Variants in SGCB observed in about 807,000 individuals in gnomAD.
SGCB encodes the protein beta-sarcoglycan.
A neutral mutation model predicts 27.3 loss-of-function variants in SGCB; 25 were observed. The ratio of observed to expected loss-of-function variants is 0.92; its 90% CI spans 0.67 to 1.28. The LOEUF is 1.28. Ranked by LOEUF, SGCB falls within the 50% of genes most tolerant of loss-of-function variation. The pLI is 0.00. For synonymous variants in SGCB, 147 were observed against 133.5 expected, an observed-to-expected ratio of 1.10 and a Z score of -0.70; for missense variants, 436 against 402.1, an observed-to-expected ratio of 1.08 and a Z score of -0.72.
intron 5 of SGCB, 127 bp downstream of exon 5, chr4:52,027,841 T>C (rs1737140480): frequency 2.3e-6 from 2 of 888,076 alleles, no homozygotes; most frequent in Non-Finnish European, 3.6e-6. Flanking sequence ...CACAACCCAC[T>C]TTGAACATCT....
At chr4:52,024,970 C>G (rs192439221) in intron 5 of SGCB, among the ~76,000 whole-genome samples, 5 of 152,008 alleles carry the variant, frequency 3.3e-5, no homozygotes, top group African/African-American at 9.7e-5. Context: ...AGGTTCTTCA[C>G]GCCCACTGTT....
rs759376332 is a variant in SGCB, at chr4:52,023,934, T to C, written c.*23A>G. 6.3e-7 allele frequency: 1 copy of C among 1,597,084 alleles called. No homozygotes were observed. Among genetic ancestry groups the C allele is most frequent in the East Asian group, 2.2e-5 (1 of 44,796 alleles). ...AAAAAGTCAAGTCAAGATATAAACA[T>C]GTTGGTGACCTCTGGGGTTCTTTTA... On this transcript the variant is annotated 3_prime_UTR_variant, in exon 6 of 6. Coordinates refer to ENST00000381431, the MANE Select transcript of SGCB (RefSeq NM_000232.5).
At position 52,022,737 on chromosome 4, in the gene SGCB, T is replaced by C. The variant is rs1578122534; in HGVS notation, c.*1220A>G. 6.6e-6 allele frequency: 1 copy of C among 152,190 alleles called. No homozygotes were observed. Among genetic ancestry groups the C allele is most frequent in the Non-Finnish European group, 1.5e-5 (1 of 68,018 alleles). The allele number at this position is 152,190 out of a possible 1,614,324, so 9.4% of individuals were successfully genotyped here. On this transcript the variant is annotated 3_prime_UTR_variant, in exon 6 of 6. Transcript: ENST00000381431. ...CTTTCCACTGTGTTGCCCCGAGTGC[T>C]GAGGGTATAAATATCTTGGCAACTC... is the stretch of plus-strand genomic sequence containing the variant.
Position 52,022,637 on chromosome 4 carries a change from C to T in SGCB, c.*1320G>A, listed in dbSNP as rs985849766. 1 of 152,170 alleles carries T rather than the reference C, an allele frequency of 6.6e-6. No homozygotes were observed. The highest frequency in any genetic ancestry group is 1.5e-5 in the Non-Finnish European group (1 of 68,026). 9.4% of individuals were successfully genotyped at this position (152,170 alleles called of 1,614,324 possible). Reference sequence around the variant, plus strand: ...CACTCTTTAGTCCAGTGCTTCTGGACTTATTTTCGAGGCATGGTGTACTTA... The same window carrying T: ...CACTCTTTAGTCCAGTGCTTCTGGATTTATTTTCGAGGCATGGTGTACTTA... On this transcript the variant is annotated 3_prime_UTR_variant, in exon 6 of 6. Transcript: ENST00000381431.
chr4:52,033,829 A>T (rs1342015826), intron 1 of SGCB, among the ~76,000 whole-genome samples, 189 bp from the exon 2 acceptor site: 1 of 152,202 alleles, frequency 6.6e-6, no homozygotes, highest in Non-Finnish European at 1.5e-5. Context: ...GAAAGTACAG[A>T]AGAAACTTCA....
At chr4:52,037,954 G>A (rs1289575664) in intron 1 of SGCB, among the ~76,000 whole-genome samples, 1 of 152,138 alleles carries the variant, frequency 6.6e-6, no homozygotes, top group Non-Finnish European at 1.5e-5. Context: ...CGCCTCCCAG[G>A]CTCTCCGGAA....
chr4:52,026,924 G>A (rs1307910218), intron 5 of SGCB, among the ~76,000 whole-genome samples: 1 of 152,114 alleles, frequency 6.6e-6, no homozygotes, highest in Non-Finnish European at 1.5e-5. Context: ...GTTCTTAGAA[G>A]AATGGCTTCT....
chr4:52,028,779 A>C lies in SGCB; in HGVS notation c.572T>G (p.Leu191Trp), dbSNP rs1321180638. ...STDYETHEFHLPSGVKSLNVQ... is the reference protein window; with the variant it reads ...STDYETHEFHWPSGVKSLNVQ... ...ATTCAAACTTTTCACTCCACTTGGC[A>C]AATGAAACTCATGAGTTTCATAGTC... Residue 191 changes from leucine (L) to tryptophan (W), a missense_variant, in exon 4 of 6, where the codon TTG becomes TGG. Physicochemically the swap from Leu to Trp is moderately conservative, Grantham distance 61. Coordinates refer to ENST00000381431, the MANE Select transcript of SGCB (RefSeq NM_000232.5). 5.0e-6 allele frequency: 8 copies of C among 1,613,574 alleles called. No homozygotes were observed. The highest frequency in any genetic ancestry group is 6.8e-6 in the Non-Finnish European group (8 of 1,179,646).
chr4:52,033,354 A>G, intron 2 of SGCB, 77 bp downstream of exon 2: 1 of 905,214 alleles, frequency 1.1e-6, no homozygotes. Context: ...AGGAGAAAAT[A>G]AAGTCTATGA....
chr4:52,020,914 T>C lies in SGCB; in HGVS notation c.*3043A>G, dbSNP rs73246100. 670 of 152,682 alleles carry C rather than the reference T, an allele frequency of 4.4e-3. 6 individuals carry two copies. Among genetic ancestry groups the C allele is most frequent in the Middle Eastern group, 0.02 (6 of 294 alleles). The allele number at this position is 152,682 out of a possible 1,614,324, so 9.5% of individuals were successfully genotyped here. A position where few individuals can be genotyped will look rare whatever the true frequency, so the allele number is the denominator to read the frequency against. On this transcript the variant is annotated 3_prime_UTR_variant, in exon 6 of 6. Transcript: ENST00000381431. ...CTCTTATTTGTCAGGTTTAGCACCATGACATTCTCATTCCCTTAAAAAAAC... is the reference window on the plus strand; with the variant it reads ...CTCTTATTTGTCAGGTTTAGCACCACGACATTCTCATTCCCTTAAAAAAAC...
intron 1 of SGCB, among the ~76,000 whole-genome samples, chr4:52,036,215 G>A (rs1737386511): frequency 6.6e-6 from 1 of 152,198 alleles, no homozygotes; most frequent in Non-Finnish European, 1.5e-5. Flanking sequence ...ACTCTTGAAG[G>A]ATGGACAGGA....
In SGCB at chr4:52,029,876, A is replaced by C. The variant is rs1480362018; in HGVS notation, c.244-13T>G. The C allele has an allele frequency of 6.2e-7, 1 of 1,604,096 alleles. No individual in the cohort carries two copies. The highest frequency in any genetic ancestry group is 1.3e-5 in the African/African-American group (1 of 74,760). On this transcript the variant is annotated splice_polypyrimidine_tract_variant and intron_variant, in intron 2 of 5. Transcript: ENST00000381431. ...TAACAAGTGTTATCTGAAAAAGAAC[A>C]CAAGTCCACTGTTGGTAGGCCGCAT...
rs776434241 is a variant in SGCB, at chr4:52,029,834, G to A, written c.273C>T (p.Arg91=). The A allele has an allele frequency of 1.2e-6, 2 of 1,613,774 alleles. No individual in the cohort carries two copies. The highest frequency in any genetic ancestry group is 8.5e-7 in the Non-Finnish European group (1 of 1,179,776). The part of the protein sequence containing the change: ...IITLVIWAVI[R]IGPNGCDSME... ...TACTATCACAGCCATTTGGTCCAAT[G>A]CGAATCACGGCCCAAATAACAAGTG... The change falls in exon 3 of 6, where the codon CGC becomes CGT. Residue 91 remains arginine (R), a synonymous_variant. Transcript: ENST00000381431.
At chr4:52,032,764 A>G (rs1327741804) in intron 2 of SGCB, among the ~76,000 whole-genome samples, 1 of 152,216 alleles carries the variant, frequency 6.6e-6, no homozygotes, top group African/African-American at 2.4e-5. Flanking sequence ...AAGTATATCA[A>G]TAATCATTCC....
At chr4:52,033,664 G>A (rs979014528) in intron 1 of SGCB, 24 bp from the exon 2 acceptor site, 6 of 1,554,132 alleles carry the variant, frequency 3.9e-6, no homozygotes, top group Non-Finnish European at 4.4e-6. Flanking sequence ...ACAACATAAT[G>A]GAACAGCTAT....
At position 52,028,909 on chromosome 4, in the gene SGCB, G is replaced by A; in HGVS notation, c.442C>T (p.Gln148Ter). The change falls in exon 4 of 6, where the codon CAA (glutamine) becomes TAA (stop). Residue 148 changes from glutamine to a stop codon, truncating the protein, a stop_gained. Coordinates refer to ENST00000381431, the MANE Select transcript of SGCB (RefSeq NM_000232.5). LOFTEE classifies it high-confidence loss of function. The stretch of plus-strand genomic sequence containing the variant: ...TCTACACTGAGCTTTGTTGTCCCTT[G>A]CTGAAAAACAATCTTCAAAAAAAAC... ...TGNNQPIVFQ[Q>*]GTTKLSVENN... 6.2e-7 allele frequency: 1 copy of A among 1,612,892 alleles called. No individual in the cohort carries two copies. Among genetic ancestry groups the A allele is most frequent in the Non-Finnish European group, 8.5e-7 (1 of 1,179,026 alleles).
chr4:52,028,464 C>T (rs1737165375), intron 4 of SGCB, among the ~76,000 whole-genome samples: 2 of 152,036 alleles, frequency 1.3e-5, no homozygotes, highest in Admixed American at 6.6e-5. Context: ...GGTGAAACCC[C>T]GTCTCTACTA....
intron 1 of SGCB, 36 bp from the exon 2 acceptor site, chr4:52,033,676 C>A (rs761989079): frequency 2.6e-6 from 4 of 1,511,486 alleles, no homozygotes; most frequent in East Asian, 4.5e-5. Flanking sequence ...AACAGCTATA[C>A]CCTCTCGTTT....
chr4:52,027,486 T>C (rs1362537679), intron 5 of SGCB, among the ~76,000 whole-genome samples: 1 of 151,486 alleles, frequency 6.6e-6, no homozygotes, highest in East Asian at 1.9e-4. Flanking sequence ...TTTCACATCA[T>C]TGGATATGAA....
Sources: allele counts gnomAD v4.1 joint callset (sites outside exome capture counted in the v4.1 genomes callset), GRCh38; gene constraint gnomAD v4.1.1; transcripts MANE v1.5; gene names NCBI Gene and HGNC (gene_info 2026-07-23, HGNC 2026-07-21).